Variants in SORBS2 observed in about 807,000 individuals in gnomAD.
SORBS2 encodes sorbin and SH3 domain-containing protein 2.
In SORBS2, 46 loss-of-function variants were observed where a neutral mutation model predicts 97.7. That is an observed-to-expected ratio of 0.47 (90% CI 0.37 to 0.60). The LOEUF is 0.60. Ranked by LOEUF, SORBS2 falls within the 20% of genes least tolerant of loss-of-function variation. The probability of loss-of-function intolerance (pLI) is 0.00; values close to 1 mark genes in which losing one functional copy is unlikely to be tolerated. For synonymous variants in SORBS2, 476 were observed against 473.4 expected, an observed-to-expected ratio of 1.01 and a Z score of -0.07; for missense variants, 1,316 against 1,282.3, an observed-to-expected ratio of 1.03 and a Z score of -0.40.
At chr4:185,648,058 C>A (rs1027987083) in intron 3 of SORBS2, among the ~76,000 whole-genome samples, 1 of 151,992 alleles carries the variant, frequency 6.6e-6, no homozygotes, top group Admixed American at 6.5e-5. Flanking sequence ...CTTTCACACA[C>A]GATGTGTGTG....
chr4:185,593,698 CT>C (rs1450170614), intron 13 of SORBS2, 187 bp downstream of exon 25: 3 of 549,856 alleles, frequency 5.5e-6, no homozygotes, highest in Non-Finnish European at 9.7e-6. Flanking sequence ...ACTATGGGTT[CT>C]TTTAAAAATT....
At chr4:185,641,115 T>C (rs895727052) in intron 4 of SORBS2, among the ~76,000 whole-genome samples, 2 of 142,690 alleles carry the variant, frequency 1.4e-5, no homozygotes, top group South Asian at 2.6e-4. Context: ...AAGTCCTGAT[T>C]TATAGTAATG....
chr4:185,795,173 CTT>C (rs1204481489), intron 1 of SORBS2, among the ~76,000 whole-genome samples: 2 of 152,166 alleles, frequency 1.3e-5, no homozygotes, highest in African/African-American at 2.4e-5. Flanking sequence ...TTGGAATTGC[CTT>C]TTCATCTTGC....
At chr4:185,812,580 C>G (rs1222572780) in intron 1 of SORBS2, among the ~76,000 whole-genome samples, 1 of 152,222 alleles carries the variant, frequency 6.6e-6, no homozygotes, top group Non-Finnish European at 1.5e-5. Context: ...ATTGTCAAAA[C>G]AAGCCCCACC....
At chr4:185,756,956 G>C in intron 2 of SORBS2, 3 of 1,468,962 alleles carry the variant, frequency 2.0e-6, no homozygotes, top group Non-Finnish European at 2.8e-6. Context: ...AAGCATTTTG[G>C]TCCATTAATT....
At chr4:185,836,806 G>A (rs2099208366) in intron 1 of SORBS2, among the ~76,000 whole-genome samples, 1 of 152,192 alleles carries the variant, frequency 6.6e-6, no homozygotes, top group Admixed American at 6.5e-5. Flanking sequence ...ACACTTAAAA[G>A]TGTAGAGACA....
intron 1 of SORBS2, among the ~76,000 whole-genome samples, chr4:185,809,773 G>A (rs528243878): frequency 1.8e-4 from 28 of 152,264 alleles, no homozygotes; most frequent in South Asian, 1.2e-3. Context: ...CATTCCTCCC[G>A]TGGGCTAAGG....
At chr4:185,671,387 T>C (rs1243919553) in intron 4 of SORBS2, among the ~76,000 whole-genome samples, 1 of 152,174 alleles carries the variant, frequency 6.6e-6, no homozygotes, top group Non-Finnish European at 1.5e-5. Flanking sequence ...TGTGAGAGCA[T>C]AGAGGTAGCA....
At chr4:185,772,109 T>C (rs1203800353) in intron 2 of SORBS2, 1 of 152,204 alleles carries the variant, frequency 6.6e-6, no homozygotes, top group Non-Finnish European at 1.5e-5. Context: ...ATTTTTGTTT[T>C]CGATGTGACA....
intron 8 of SORBS2, 129 bp downstream of exon 20, chr4:185,619,934 T>G (rs894324035): frequency 1.4e-5 from 10 of 718,066 alleles, no homozygotes; most frequent in Non-Finnish European, 2.6e-5. Flanking sequence ...CAAGGAAAAT[T>G]GTTTCTAGTT....
At chr4:185,731,866 C>CTATATATA (rs544211866) in intron 2 of SORBS2, among the ~76,000 whole-genome samples, 4 of 24,686 alleles carry the variant, frequency 1.6e-4, no homozygotes, top group South Asian at 2.7e-3. Context: ...CTCTCTCTCT[C>CTATATATA]TATATATATA....
chr4:185,902,509 T>C (rs758954008), intron 1 of SORBS2, among the ~76,000 whole-genome samples: 2 of 152,026 alleles, frequency 1.3e-5, no homozygotes, highest in Non-Finnish European at 2.9e-5. Context: ...ATTTTCAAAT[T>C]GTGAAAAATC....
At chr4:185,698,931 T>C (rs923084590) in intron 2 of SORBS2, among the ~76,000 whole-genome samples, 1 of 152,194 alleles carries the variant, frequency 6.6e-6, no homozygotes, top group Non-Finnish European at 1.5e-5. Context: ...ATTATTTTCA[T>C]GGTAATGTTA....
chr4:185,686,136 A>G (rs1334517637), intron 2 of SORBS2, among the ~76,000 whole-genome samples: 1 of 152,212 alleles, frequency 6.6e-6, no homozygotes, highest in African/African-American at 2.4e-5. Context: ...AAAAGACAAT[A>G]TAACCACCGA....
At chr4:185,931,980 C>CTCTCTG (rs1257336460) in intron 1 of SORBS2, among the ~76,000 whole-genome samples, 8 of 140,848 alleles carry the variant, frequency 5.7e-5, no homozygotes, top group Admixed American at 3.5e-4. Context: ...AAGAACCTGT[C>CTCTCTG]TCTCTCTCTC....
intron 2 of SORBS2, among the ~76,000 whole-genome samples, chr4:185,694,244 C>T (rs1244195857): frequency 1.3e-5 from 2 of 152,208 alleles, no homozygotes; most frequent in Non-Finnish European, 2.9e-5. Context: ...ATTGTACTTA[C>T]ATAACAAGCA....
chr4:185,825,531 C>A (rs1245014850), intron 1 of SORBS2, among the ~76,000 whole-genome samples: 2 of 152,306 alleles, frequency 1.3e-5, no homozygotes, highest in East Asian at 3.9e-4. Flanking sequence ...GGATCAGATT[C>A]CTGAAAGTCG....
In SORBS2 at chr4:185,651,882, C is replaced by T. The variant is rs76447220; in HGVS notation, c.91+780G>A. 7.7e-5 allele frequency: 68 copies of T among 884,146 alleles called. 1 individual carries two copies. The East Asian group carries it at 1.1e-3, about 14-fold the overall frequency. The allele number at this position is 884,146 out of a possible 1,614,324, so 54.8% of individuals were successfully genotyped here. ...AATATAGATTGTCACCAAAGGACAA[C>T]GAGACAGCAGAACTTCAGACAAACA... On this transcript the variant is annotated intron_variant, in intron 2 of 14. Coordinates refer to ENST00000418609, the Ensembl canonical transcript of SORBS2.
At chr4:185,776,588 G>A (rs922068723) in intron 1 of SORBS2, among the ~76,000 whole-genome samples, 3 of 152,086 alleles carry the variant, frequency 2.0e-5, no homozygotes, top group Non-Finnish European at 4.4e-5. Flanking sequence ...ATCGGGAGAT[G>A]AAAAGAGAGT....
Sources: allele counts gnomAD v4.1 joint callset (sites outside exome capture counted in the v4.1 genomes callset), GRCh38; gene constraint gnomAD v4.1.1; transcripts MANE v1.5; gene names NCBI Gene and HGNC (gene_info 2026-07-23, HGNC 2026-07-21).